The following SGTB variants were observed in gnomAD, a reference collection of about 807,000 sequenced individuals.
The protein encoded by SGTB is small glutamine-rich tetratricopeptide repeat-containing protein beta.
Under a neutral mutation model 43.9 loss-of-function variants are expected in SGTB, and 19 were observed. The observed-to-expected ratio is 0.43, with a 90% CI of 0.30 to 0.63. The LOEUF (loss-of-function observed/expected upper bound fraction) is 0.63, where lower values mean the gene tolerates loss of function less well. Ranked by LOEUF, SGTB falls within the 30% of genes least tolerant of loss-of-function variation. The pLI is 0.12. For synonymous variants in SGTB, 116 were observed against 117.3 expected (o/e 0.99, Z 0.07); for missense variants, 304 against 358.9 (o/e 0.85, Z 1.24).
intron 3 of SGTB, 63 bp from the exon 4 acceptor site, chr5:65,708,621 TATAA>T (rs890612738): frequency 3.3e-6 from 4 of 1,222,242 alleles, no homozygotes; most frequent in Admixed American, 2.5e-5. Flanking sequence ...CCTAGAGTAC[TATAA>T]ATAAATAATA....
intron 5 of SGTB, among the ~76,000 whole-genome samples, chr5:65,688,973 C>A (rs1286128497): frequency 6.6e-6 from 1 of 152,108 alleles, no homozygotes; most frequent in African/African-American, 2.4e-5. Flanking sequence ...CCACGCCCAG[C>A]TAATTTTTTG....
intron 4 of SGTB, among the ~76,000 whole-genome samples, chr5:65,705,636 C>A (rs1278749142): frequency 6.6e-6 from 1 of 151,900 alleles, no homozygotes; most frequent in Non-Finnish European, 1.5e-5. Flanking sequence ...TTCCAAGGAA[C>A]AAAAACAGAA....
rs777838768 is a variant in SGTB, at chr5:65,672,227, T to A, written c.719+17A>T. 1.9e-6 allele frequency: 3 copies of A among 1,613,920 alleles called. No homozygotes were observed. The highest frequency in any genetic ancestry group is 4.5e-5 in the East Asian group (2 of 44,882). On this transcript the variant is annotated intron_variant, in intron 9 of 10. Transcript: ENST00000381007. Reference sequence around the variant, plus strand: ...GAAGGGTTGGGGAAGTGTAATAAGCTCTTTCTATATACTTACAGCTGTTGA... The same window carrying A: ...GAAGGGTTGGGGAAGTGTAATAAGCACTTTCTATATACTTACAGCTGTTGA...
chr5:65,705,302 A>C (rs1178280637), intron 4 of SGTB, among the ~76,000 whole-genome samples: 1 of 152,154 alleles, frequency 6.6e-6, no homozygotes, highest in African/African-American at 2.4e-5. Context: ...ATAATTAAAA[A>C]AATTAGCCAG....
At chr5:65,706,049 A>T (rs1357959420) in intron 4 of SGTB, among the ~76,000 whole-genome samples, 1 of 152,014 alleles carries the variant, frequency 6.6e-6, no homozygotes, top group Non-Finnish European at 1.5e-5. Context: ...AAAAAAAAAA[A>T]TTTCTATAAT....
At chr5:65,708,638 T>C in intron 3 of SGTB, 80 bp from the exon 4 acceptor site, 1 of 1,069,622 alleles carries the variant, frequency 9.3e-7, no homozygotes, top group Non-Finnish European at 1.3e-6. Context: ...AAATAATAAA[T>C]TACCCACATT....
chr5:65,681,575 A>C (rs988353258), intron 6 of SGTB, among the ~76,000 whole-genome samples: 1 of 152,142 alleles, frequency 6.6e-6, no homozygotes, highest in Non-Finnish European at 1.5e-5. Context: ...TCAACCATGT[A>C]TGATACTTTA....
At chr5:65,707,606 T>C (rs1757960211) in intron 4 of SGTB, among the ~76,000 whole-genome samples, 1 of 152,080 alleles carries the variant, frequency 6.6e-6, no homozygotes, top group South Asian at 2.1e-4. Context: ...AGCTAATTTT[T>C]GTATTTTTAG....
rs527709917 is a variant in SGTB, at chr5:65,716,158, A to G, written c.101-3094T>C. On this transcript the variant is annotated intron_variant, in intron 2 of 10. Coordinates refer to ENST00000381007, the MANE Select transcript of SGTB (RefSeq NM_019072.3). ...ACTTAAAGGAGACGGGGGTGTTAGC[A>G]TTATCTGTGAAGACCATTCCAGGCA... 2.0e-5 allele frequency among the ~76,000 whole-genome samples: 3 copies of G among 152,358 alleles called. No homozygotes were observed. In the South Asian group the frequency reaches 6.2e-4, roughly 32 times the overall value.
At chr5:65,703,373 A>G (rs1757859239) in intron 5 of SGTB, among the ~76,000 whole-genome samples, 1 of 152,260 alleles carries the variant, frequency 6.6e-6, no homozygotes, top group Non-Finnish European at 1.5e-5. Context: ...AAATAAGGAC[A>G]TATTTTTGGT....
rs1273924116 is a variant in SGTB at position 65,685,388 on chromosome 5, G to A, written c.459C>T (p.Ser153=). The A allele has an allele frequency of 6.2e-7, 1 of 1,614,124 alleles. No individual in the cohort carries two copies. Among genetic ancestry groups the A allele is most frequent in the Non-Finnish European group, 8.5e-7 (1 of 1,179,988 alleles). Residue 153 remains serine (S), a synonymous_variant, in exon 6 of 11, where the codon AGC becomes AGT. Coordinates refer to ENST00000381007, the MANE Select transcript of SGTB (RefSeq NM_019072.3). ...EKAIAIDSKY[S]KAYGRMGLAL... is the part of the protein sequence containing the mutation. ...CTTACCCCATTCTCCCATAGGCCTT[G>A]CTGTACTTTGAATCAATTGCTATTG... is the stretch of plus-strand genomic sequence containing the variant.
chr5:65,719,015 T>C (rs1041587706), intron 2 of SGTB, among the ~76,000 whole-genome samples: 2 of 152,188 alleles, frequency 1.3e-5, no homozygotes, highest in African/African-American at 4.8e-5. Context: ...TATTTTCACA[T>C]AGTCTAATCA....
At position 65,668,334 on chromosome 5, in the gene SGTB, G is replaced by C. The variant is rs569151658; in HGVS notation, c.*1912C>G. ...TAATTGTATATTACTTCCTGGCCAG[G>C]CACAGTGGCTCACACCTCTAATCCC... is the stretch of plus-strand genomic sequence containing the variant. On this transcript the variant is annotated 3_prime_UTR_variant, in exon 11 of 11. Transcript: ENST00000381007. The C allele has an allele frequency of 6.6e-6, 1 of 152,106 alleles. No individual in the cohort carries two copies. The highest frequency in any genetic ancestry group is 2.1e-4 in the South Asian group (1 of 4,784). The allele number at this position is 152,106 out of a possible 1,614,324, so 9.4% of individuals were successfully genotyped here. A position where few individuals can be genotyped will look rare whatever the true frequency, so the allele number is the denominator to read the frequency against.
chr5:65,676,667 C>T (rs556173464), intron 8 of SGTB, among the ~76,000 whole-genome samples: 1 of 152,190 alleles, frequency 6.6e-6, no homozygotes, highest in East Asian at 1.9e-4. Flanking sequence ...TCACTCAAAA[C>T]CACACAACTA....
At chr5:65,679,347 G>A (rs192026333) in intron 8 of SGTB, among the ~76,000 whole-genome samples, 1 of 152,272 alleles carries the variant, frequency 6.6e-6, no homozygotes, top group African/African-American at 2.4e-5. Context: ...AACAGGCCAG[G>A]TGTGGTGGCT....
Position 65,708,235 on chromosome 5 carries a change from G to A in SGTB, c.274+254C>T, listed in dbSNP as rs1369165874. Among the ~76,000 whole-genome samples, 2 of 152,084 alleles carry A rather than the reference G, an allele frequency of 1.3e-5. No homozygotes were observed. Among genetic ancestry groups the A allele is most frequent in the East Asian group, 1.9e-4 (1 of 5,198 alleles). On this transcript the variant is annotated intron_variant, in intron 4 of 10. Transcript: ENST00000381007. ...TAAGTAGCAAAAACCGAAGCAATTC[G>A]CCCTTAAGTTATGTGTTCTGCAACT...
chr5:65,684,689 T>C (rs1757463027), intron 6 of SGTB, among the ~76,000 whole-genome samples: 1 of 151,960 alleles, frequency 6.6e-6, no homozygotes, highest in African/African-American at 2.4e-5. Flanking sequence ...AGTAGCTGGG[T>C]CTGCGGGTGC....
In SGTB at chr5:65,687,940, C is replaced by T. The variant is rs1212450776; in HGVS notation, c.375-2468G>A. On this transcript the variant is annotated intron_variant, in intron 5 of 10. Transcript: ENST00000381007. Reference sequence around the variant, plus strand: ...TGTGCCACCATACCCGGCTAATTTTCGTATTTTTAGTAGAGACAGGGTTTC... The same window carrying T: ...TGTGCCACCATACCCGGCTAATTTTTGTATTTTTAGTAGAGACAGGGTTTC... Among the ~76,000 whole-genome samples, 13 of 152,084 alleles carry T rather than the reference C, an allele frequency of 8.5e-5. No individual in the cohort carries two copies. The South Asian group carries it at 1.9e-3, about 22-fold the overall frequency.
chr5:65,722,421 C>A (rs780087047), upstream of SGTB: 3 of 1,586,154 alleles, frequency 1.9e-6, no homozygotes, highest in East Asian at 2.4e-5. Context: ...GCAGGTACCT[C>A]CAGCGCGCGG....
Sources: allele counts gnomAD v4.1 joint callset (sites outside exome capture counted in the v4.1 genomes callset), GRCh38; gene constraint gnomAD v4.1.1; transcripts MANE v1.5; gene names NCBI Gene and HGNC (gene_info 2026-07-23, HGNC 2026-07-21).